The following DRC4 variants were observed in gnomAD, a reference collection of about 807,000 sequenced individuals.
DRC4 encodes the protein GAS-11.
the DRC4 span, chr16:90,032,615 G>C: frequency 7.0e-6 from 7 of 997,174 alleles, no homozygotes; most frequent in Non-Finnish European, 1.1e-5. Context: ...GACAGGTGAG[G>C]AGGTGTGGTA....
the DRC4 span, among the ~76,000 whole-genome samples, chr16:90,038,275 G>T: frequency 6.6e-6 from 1 of 152,160 alleles, no homozygotes; most frequent in Non-Finnish European, 1.5e-5. Context: ...AGTTTTATGG[G>T]CTCCCTTCCA....
the DRC4 span, chr16:90,036,083 C>A: frequency 1.6e-6 from 1 of 617,370 alleles, no homozygotes; most frequent in Non-Finnish European, 2.6e-6. Flanking sequence ...GCCACACAGG[C>A]CTCGGTTACT....
chr16:90,021,485 C>T, the DRC4 span, among the ~76,000 whole-genome samples: 1 of 151,332 alleles, frequency 6.6e-6, no homozygotes, highest in Non-Finnish European at 1.5e-5. Flanking sequence ...GTGGTGTGAT[C>T]TTGGCTCACT....
the DRC4 span, among the ~76,000 whole-genome samples, chr16:90,042,690 G>A: frequency 2.2e-4 from 33 of 152,296 alleles, no homozygotes; most frequent in African/African-American, 7.2e-4. Context: ...AGTCATAGCC[G>A]AGAGCATCTG....
chr16:90,028,173 A>ATTTTTTTTTTTTTTT, the DRC4 span, among the ~76,000 whole-genome samples: 39 of 63,850 alleles, frequency 6.1e-4, 7 homozygotes, highest in African/African-American at 1.1e-3. Flanking sequence ...TTAATCGTTC[A>ATTTTTTTTTTTTTTT]TTTTTTTTTT....
At chr16:90,036,424 C>G in the DRC4 span, 1 of 1,612,094 alleles carries the variant, frequency 6.2e-7, no homozygotes, top group African/African-American at 1.3e-5. Context: ...TGCTGAGGGA[C>G]GAACTCGACT....
the DRC4 span, among the ~76,000 whole-genome samples, chr16:90,027,380 G>A: frequency 4.6e-5 from 7 of 152,140 alleles, no homozygotes; most frequent in Non-Finnish European, 7.3e-5. Context: ...GAGCCACCAC[G>A]CCCGGCTCCT....
chr16:90,043,052 C>G, the DRC4 span: 1 of 922,774 alleles, frequency 1.1e-6, no homozygotes, highest in Non-Finnish European at 1.6e-6. Flanking sequence ...GGAGCTGTGT[C>G]CCACACGGGA....
At chr16:90,042,976 T>G in the DRC4 span, 1 of 555,516 alleles carries the variant, frequency 1.8e-6, no homozygotes, top group Non-Finnish European at 3.2e-6. Context: ...TCTCGTCATT[T>G]GTGGAATAGG....
chr16:90,023,119 G>C, the DRC4 span, among the ~76,000 whole-genome samples: 1 of 152,194 alleles, frequency 6.6e-6, no homozygotes, highest in African/African-American at 2.4e-5. Flanking sequence ...CAGAGCACCA[G>C]GGTCCCCATG....
At chr16:90,041,532 G>A in the DRC4 span, among the ~76,000 whole-genome samples, 100 of 152,314 alleles carry the variant, frequency 6.6e-4, 3 homozygotes, top group African/African-American at 2.1e-3. Flanking sequence ...ATAGCCGGGC[G>A]CGGTGGCTCA....
the DRC4 span, chr16:90,039,753 TAGA>T: frequency 1.2e-5 from 2 of 169,832 alleles, no homozygotes; most frequent in African/African-American, 4.8e-5. Context: ...AATTAATAAG[TAGA>T]AGAATTAGGA....
At chr16:90,044,299 G>T in the DRC4 span, 1 of 429,916 alleles carries the variant, frequency 2.3e-6, no homozygotes, top group African/African-American at 2.1e-5. Flanking sequence ...CCCTGGGCAG[G>T]TGAGTGACGG....
chr16:90,031,590 C>T, the DRC4 span: 4 of 1,341,236 alleles, frequency 3.0e-6, no homozygotes, highest in Non-Finnish European at 4.0e-6. Context: ...ATTTTCTGTT[C>T]TTGGCTTTGG....
the DRC4 span, chr16:90,043,128 C>T: frequency 1.3e-6 from 2 of 1,521,480 alleles, no homozygotes; most frequent in South Asian, 1.2e-5. Flanking sequence ...CTCCATGGAG[C>T]TGCACTCAGC....
the DRC4 span, chr16:90,044,257 C>T: frequency 2.2e-6 from 1 of 448,462 alleles, no homozygotes; most frequent in South Asian, 1.6e-5. Context: ...GGGGATGAAT[C>T]ACCCTTGGCC....
At chr16:90,022,738 G>A in the DRC4 span, 1 of 1,414,228 alleles carries the variant, frequency 7.1e-7, no homozygotes, top group Non-Finnish European at 9.3e-7. Context: ...AGCAGGGGCG[G>A]GAGCGGGGCT....
the DRC4 span, among the ~76,000 whole-genome samples, chr16:90,026,309 A>G: frequency 6.6e-6 from 1 of 152,176 alleles, no homozygotes; most frequent in South Asian, 2.1e-4. Context: ...GTGGGGTTAG[A>G]AGGTTCTCTC....
At chr16:90,036,508 C>T in the DRC4 span, 41 of 1,613,612 alleles carry the variant, frequency 2.5e-5, no homozygotes, top group Middle Eastern at 1.6e-4. Context: ...TGCAGCGCCA[C>T]GAGGAGGCCT....
Sources: allele counts gnomAD v4.1 joint callset (sites outside exome capture counted in the v4.1 genomes callset), GRCh38; gene constraint gnomAD v4.1.1; transcripts MANE v1.5; gene names NCBI Gene and HGNC (gene_info 2026-07-23, HGNC 2026-07-21).